Variants in HERC4 observed in about 807,000 individuals in gnomAD.
The protein encoded by HERC4 is HECT and RLD domain containing E3 ubiquitin protein ligase 4.
HERC4 carries 28 observed loss-of-function variants against 124.3 expected under a neutral mutation model. The ratio of observed to expected loss-of-function variants is 0.23; its 90% CI spans 0.17 to 0.31. The LOEUF (loss-of-function observed/expected upper bound fraction) is 0.31, where lower values mean the gene tolerates loss of function less well. HERC4 is among the 10% of genes least tolerant of loss of function. The pLI is 1.00. For missense variants in HERC4, 713 were observed against 1,229.3 expected (o/e 0.58, Z 6.28); for synonymous variants, 407 against 421.5 (o/e 0.97, Z 0.42).
intron 23 of HERC4, among the ~76,000 whole-genome samples, chr10:67,927,426 ATATATT>A (rs1468893602): frequency 5.7e-4 from 5 of 8,840 alleles, no homozygotes; most frequent in South Asian, 2.1e-3. Flanking sequence ...ATATATATAT[ATATATT>A]TTTTTTTTTT....
chr10:68,073,800 A>C (rs766369879), intron 1 of HERC4, 114 bp from the exon 2 acceptor site: 3 of 152,212 alleles, frequency 2.0e-5, no homozygotes, highest in African/African-American at 7.2e-5. Context: ...TTACCAAACC[A>C]TAATCTTAAA....
At chr10:67,926,452 G>C (rs1354025247) in intron 23 of HERC4, among the ~76,000 whole-genome samples, 1 of 150,640 alleles carries the variant, frequency 6.6e-6, no homozygotes, top group Non-Finnish European at 1.5e-5. Context: ...AGTACTAAAA[G>C]AGAAGCAGGT....
Position 68,040,250 on chromosome 10 carries a change from G to A in HERC4, c.387-2081C>T, listed in dbSNP as rs371745774. On this transcript the variant is annotated intron_variant, in intron 4 of 24. Transcript: ENST00000373700. ...CTAAGGCTTGTAACACACATTAAAT[G>A]CTAATATCTTTTACCATTATATGCT... 1.6e-3 allele frequency: 1,537 copies of A among 981,582 alleles called. 54 individuals are homozygous for A. The South Asian group carries it at 0.065, about 41-fold the overall frequency. 60.8% of individuals were successfully genotyped at this position (981,582 alleles called of 1,614,324 possible).
chr10:67,936,540 T>C (rs901905156), intron 21 of HERC4, among the ~76,000 whole-genome samples: 6 of 152,226 alleles, frequency 3.9e-5, no homozygotes, highest in Non-Finnish European at 7.3e-5. Context: ...ACAGGATGTT[T>C]TCCTTAGACG....
intron 6 of HERC4, among the ~76,000 whole-genome samples, chr10:68,033,639 C>T (rs1424711050): frequency 6.6e-6 from 1 of 152,212 alleles, no homozygotes; most frequent in Non-Finnish European, 1.5e-5. Flanking sequence ...CTTCATGTTA[C>T]TTCCCCAGAA....
chr10:68,003,324 A>G (rs1365785255), intron 9 of HERC4, among the ~76,000 whole-genome samples: 6 of 118,078 alleles, frequency 5.1e-5, no homozygotes, highest in Admixed American at 5.0e-4. Flanking sequence ...ACCATGCCTG[A>G]CTAATTTTTT....
chr10:68,037,963 T>C (rs942119572), intron 5 of HERC4, 130 bp downstream of exon 5: 1 of 591,884 alleles, frequency 1.7e-6, no homozygotes, highest in East Asian at 3.2e-5. Flanking sequence ...AAAAGTTATA[T>C]GGAAATGAAA....
intron 17 of HERC4, 33 bp downstream of exon 17, chr10:67,956,845 T>TAA (rs750641328): frequency 3.0e-4 from 319 of 1,080,306 alleles, no homozygotes; most frequent in South Asian, 6.0e-4. Context: ...AAGAAACAAT[T>TAA]AAAAAAAAAA....
At chr10:67,996,341 C>G (rs1310612500) in intron 9 of HERC4, among the ~76,000 whole-genome samples, 1 of 151,886 alleles carries the variant, frequency 6.6e-6, no homozygotes. Flanking sequence ...AAGAAACAGT[C>G]TTGATTAGTG....
intron 7 of HERC4, among the ~76,000 whole-genome samples, chr10:68,026,781 T>G (rs975796272): frequency 2.6e-5 from 4 of 151,714 alleles, no homozygotes; most frequent in African/African-American, 9.7e-5. Context: ...AGGCAGAGGT[T>G]GCAGTGAGCC....
chr10:67,977,876 G>A (rs1052716074), intron 15 of HERC4, among the ~76,000 whole-genome samples: 4 of 152,018 alleles, frequency 2.6e-5, no homozygotes, highest in Non-Finnish European at 5.9e-5. Flanking sequence ...AGCTACTTGG[G>A]AGGCTGAGGT....
chr10:67,997,985 G>A (rs943837163), intron 9 of HERC4, among the ~76,000 whole-genome samples: 3 of 151,952 alleles, frequency 2.0e-5, no homozygotes, highest in Non-Finnish European at 2.9e-5. Flanking sequence ...CACTGCAACC[G>A]CCTCCCGGGT....
At chr10:67,971,813 C>A (rs2035251461) in intron 15 of HERC4, among the ~76,000 whole-genome samples, 1 of 152,056 alleles carries the variant, frequency 6.6e-6, no homozygotes, top group Non-Finnish European at 1.5e-5. Flanking sequence ...AAGAAAATAA[C>A]ATGATTGTGT....
chr10:68,008,198 A>G (rs1409555290), intron 9 of HERC4, among the ~76,000 whole-genome samples: 2 of 152,180 alleles, frequency 1.3e-5, no homozygotes. Flanking sequence ...GTTGGGGTAG[A>G]GGTGATGCAA....
rs532109354 is a variant in HERC4, at chr10:67,934,249, TCA to T, written c.2655-1471_2655-1470del. ...ATATTTGTTAACATTTCTATATTATTCACAGTTAAGCTGTATTCTATGGTTAC... is the reference window on the plus strand; with the variant it reads ...ATATTTGTTAACATTTCTATATTATTCAGTTAAGCTGTATTCTATGGTTAC... On this transcript the variant is annotated intron_variant, in intron 22 of 24. Transcript: ENST00000373700. Among the ~76,000 whole-genome samples the T allele has an allele frequency of 1.4e-3, 207 of 152,338 alleles. 2 individuals are homozygous for T. The highest frequency in any genetic ancestry group is 4.6e-3 in the African/African-American group (192 of 41,582).
intron 9 of HERC4, chr10:67,993,665 G>T (rs1213987730): frequency 1.3e-5 from 2 of 151,710 alleles, no homozygotes; most frequent in Non-Finnish European, 2.9e-5. Flanking sequence ...GCAGCTATTT[G>T]TCAGTAAAAG....
chr10:68,058,600 T>A (rs186079977), intron 3 of HERC4, among the ~76,000 whole-genome samples: 1 of 152,264 alleles, frequency 6.6e-6, no homozygotes, highest in Non-Finnish European at 1.5e-5. Flanking sequence ...TTTATCTTTA[T>A]TTTTTTGAGA....
intron 9 of HERC4, chr10:68,010,699 G>GTT: frequency 6.8e-7 from 1 of 1,481,316 alleles, no homozygotes. Context: ...ACATGTTCTT[G>GTT]AAGCTAAGCT....
At chr10:67,970,956 CA>C (rs2035198731) in intron 15 of HERC4, among the ~76,000 whole-genome samples, 1 of 151,596 alleles carries the variant, frequency 6.6e-6, no homozygotes. Context: ...AAATTAAAAG[CA>C]AATGAGTTTT....
Sources: gnomAD v4.1 joint callset for allele counts (sites outside exome capture counted in the v4.1 genomes callset) on GRCh38, gnomAD v4.1.1 for gene constraint, MANE v1.5 for transcripts, NCBI Gene and HGNC (gene_info 2026-07-23, HGNC 2026-07-21) for gene names.